The following XYLB variants were observed in gnomAD, a reference collection of about 807,000 sequenced individuals.
The protein encoded by XYLB is xylulokinase, also known as xylulose kinase.
XYLB carries 62 observed loss-of-function variants against 78.7 expected under a neutral mutation model. The observed-to-expected ratio is 0.79, with a 90% CI of 0.64 to 0.97. The LOEUF is 0.97. Among genes scored for constraint, XYLB ranks in the 50% least tolerant of loss-of-function variants. XYLB has a pLI of 0.00. For missense variants in XYLB, 687 were observed against 676.8 expected (o/e 1.02, Z -0.17); for synonymous variants, 245 against 247.4 (o/e 0.99, Z 0.09).
At chr3:38,398,201 G>A (rs1707967329) in intron 17 of XYLB, among the ~76,000 whole-genome samples, 1 of 151,880 alleles carries the variant, frequency 6.6e-6, no homozygotes, top group Non-Finnish European at 1.5e-5. Flanking sequence ...CGGGTGTGGT[G>A]GCTCATGCCT....
At chr3:38,374,382 C>T in intron 10 of XYLB, 80 bp from the exon 11 acceptor site, 1 of 1,603,136 alleles carries the variant, frequency 6.2e-7, no homozygotes, top group Non-Finnish European at 8.5e-7. Flanking sequence ...GGGCTCTGCG[C>T]CTGCCTGGAG....
At chr3:38,411,891 A>G (rs539823832) in intron 18 of XYLB, among the ~76,000 whole-genome samples, 1 of 151,948 alleles carries the variant, frequency 6.6e-6, no homozygotes, top group East Asian at 1.9e-4. Flanking sequence ...CCTGCCTCCT[A>G]CCTACTAAGT....
At chr3:38,432,889 G>A in the XYLB span, among the ~76,000 whole-genome samples, 11 of 152,332 alleles carry the variant, frequency 7.2e-5, no homozygotes, top group Middle Eastern at 6.8e-3. Flanking sequence ...GGTGCAAGCT[G>A]TCAGTGAATC....
At chr3:38,445,240 A>G in the XYLB span, among the ~76,000 whole-genome samples, 1 of 152,106 alleles carries the variant, frequency 6.6e-6, no homozygotes, top group African/African-American at 2.4e-5. Flanking sequence ...TAATTTCTGA[A>G]GCTCCCCATA....
chr3:38,370,385 G>A (rs1706494500), intron 9 of XYLB: 4 of 471,376 alleles, frequency 8.5e-6, no homozygotes, highest in Non-Finnish European at 1.5e-5. Context: ...AGGTGCTCAG[G>A]TACATGCCTT....
At chr3:38,440,426 C>T in the XYLB span, among the ~76,000 whole-genome samples, 1 of 152,238 alleles carries the variant, frequency 6.6e-6, no homozygotes, top group African/African-American at 2.4e-5. Context: ...ACTTTCCTAA[C>T]TCTGCTTCTA....
At chr3:38,360,896 G>A (rs941995699) in intron 3 of XYLB, among the ~76,000 whole-genome samples, 13 of 152,292 alleles carry the variant, frequency 8.5e-5, no homozygotes, top group East Asian at 1.9e-4. Flanking sequence ...TTAGCCGGGC[G>A]TGGTGGCCCA....
chr3:38,439,979 G>A, the XYLB span, among the ~76,000 whole-genome samples: 7 of 152,156 alleles, frequency 4.6e-5, no homozygotes, highest in African/African-American at 1.4e-4. Flanking sequence ...GGATTGTAGA[G>A]TAAGGATAGA....
intron 2 of XYLB, among the ~76,000 whole-genome samples, chr3:38,350,792 C>A (rs2125546926): frequency 6.7e-6 from 1 of 149,246 alleles, no homozygotes; most frequent in African/African-American, 2.5e-5. Flanking sequence ...CATTTTTTTT[C>A]GTTCAAAATA....
chr3:38,366,224 A>G (rs1706254286), intron 6 of XYLB, among the ~76,000 whole-genome samples: 1 of 152,212 alleles, frequency 6.6e-6, no homozygotes, highest in Middle Eastern at 3.4e-3. Context: ...TCGCTGGAGT[A>G]GAAGTTTTGG....
At chr3:38,358,147 T>A (rs1212061120) in intron 2 of XYLB, among the ~76,000 whole-genome samples, 2 of 134,572 alleles carry the variant, frequency 1.5e-5, no homozygotes, top group African/African-American at 5.4e-5. Context: ...ATTGGAAAAA[T>A]TTTCCTTCTT....
chr3:38,438,898 G>C, the XYLB span, among the ~76,000 whole-genome samples: 30 of 152,252 alleles, frequency 2.0e-4, no homozygotes, highest in Non-Finnish European at 3.8e-4. Context: ...CAAACCTCTA[G>C]CTAGCCACAG....
At chr3:38,393,158 TC>T (rs1264273683) in intron 15 of XYLB, among the ~76,000 whole-genome samples, 1 of 152,014 alleles carries the variant, frequency 6.6e-6, no homozygotes, top group Non-Finnish European at 1.5e-5. Context: ...ATTTTTTTTT[TC>T]CTTTTTTTGG....
intron 15 of XYLB, among the ~76,000 whole-genome samples, chr3:38,381,387 T>A (rs1707136106): frequency 6.6e-6 from 1 of 152,184 alleles, no homozygotes; most frequent in African/African-American, 2.4e-5. Flanking sequence ...TTGCATTAAC[T>A]GCACAAATTG....
In XYLB at chr3:38,395,508, C is replaced by T. The variant is rs763883845; in HGVS notation, c.1295C>T (p.Ser432Phe). The T allele has an allele frequency of 1.9e-6, 3 of 1,614,166 alleles. No homozygotes were observed. Among genetic ancestry groups the T allele is most frequent in the Non-Finnish European group, 2.5e-6 (3 of 1,180,034 alleles). Reference protein sequence around the residue: ...HAEGLGYRVMSKTKILATGGA... With the variant: ...HAEGLGYRVMFKTKILATGGA... ...ACTTTTTTCTTTTCCCTTGCAGTGT[C>T]CAAGACAAAGATTTTGGCCACAGGA... The change falls in exon 16 of 19, where the codon TCC becomes TTC. Residue 432 changes from serine to phenylalanine, a missense_variant. Coordinates refer to ENST00000207870, the MANE Select transcript of XYLB (RefSeq NM_005108.4).
At chr3:38,376,814 G>T in intron 13 of XYLB, 104 bp from the exon 14 acceptor site, 1 of 852,114 alleles carries the variant, frequency 1.2e-6, no homozygotes, top group Non-Finnish European at 1.9e-6. Flanking sequence ...AGAGCCAGGG[G>T]ACCCAGGGAT....
chr3:38,364,868 TGAATG>T (rs1706164662), intron 4 of XYLB, among the ~76,000 whole-genome samples: 1 of 152,208 alleles, frequency 6.6e-6, no homozygotes, highest in Non-Finnish European at 1.5e-5. Flanking sequence ...AATGAATGAA[TGAATG>T]GGGTGAGTGA....
downstream of XYLB, among the ~76,000 whole-genome samples, chr3:38,421,558 T>A (rs1708979304): frequency 6.6e-6 from 1 of 152,158 alleles, no homozygotes; most frequent in Admixed American, 6.5e-5. Context: ...GAACTGTGAA[T>A]GTAGAGGTCT....
At chr3:38,442,675 T>A in the XYLB span, among the ~76,000 whole-genome samples, 1 of 152,056 alleles carries the variant, frequency 6.6e-6, no homozygotes, top group Non-Finnish European at 1.5e-5. Flanking sequence ...CACTGACTGT[T>A]CTGTTTTTCT....
Sources: gnomAD v4.1 joint callset for allele counts (sites outside exome capture counted in the v4.1 genomes callset) on GRCh38, gnomAD v4.1.1 for gene constraint, MANE v1.5 for transcripts, NCBI Gene and HGNC (gene_info 2026-07-23, HGNC 2026-07-21) for gene names.